COL5A1: variants seen among roughly 807,000 people sequenced by gnomAD.
The protein encoded by COL5A1 is collagen type V alpha 1 chain.
Under a neutral mutation model 263.7 loss-of-function variants are expected in COL5A1, and 16 were observed. The observed-to-expected ratio is 0.06, with a 90% CI of 0.04 to 0.09. COL5A1 has a LOEUF of 0.09. Among genes scored for constraint, COL5A1 ranks in the 10% least tolerant of loss-of-function variants. The probability of loss-of-function intolerance (pLI) is 1.00; values close to 1 mark genes in which losing one functional copy is unlikely to be tolerated. For missense variants in COL5A1, 2,036 were observed against 2,540.5 expected, an observed-to-expected ratio of 0.80 and a Z score of 4.27; for synonymous variants, 1,012 against 1,004.5, an observed-to-expected ratio of 1.01 and a Z score of -0.14.
chr9:134,833,574 G>A (rs531535626), intron 64 of COL5A1, among the ~76,000 whole-genome samples: 9 of 152,086 alleles, frequency 5.9e-5, no homozygotes, highest in African/African-American at 2.2e-4. Context: ...GGGGAGGAGT[G>A]GTCTTTCTTG....
Position 134,731,411 on chromosome 9 carries a change from G to C in COL5A1, c.1165-85G>C, listed in dbSNP as rs530312921. 1.0e-5 allele frequency: 14 copies of C among 1,395,496 alleles called. No individual in the cohort carries two copies. In the South Asian group the frequency reaches 1.1e-4, roughly 11 times the overall value. 86.4% of individuals were successfully genotyped at this position (1,395,496 alleles called of 1,614,324 possible). A position where few individuals can be genotyped will look rare whatever the true frequency, so the allele number is the denominator to read the frequency against. The stretch of plus-strand genomic sequence containing the variant: ...GGATCTCTGCCCAGTTGACCGGATA[G>C]CCACAGTGCCCGCCCAGGGCCTGAT... On this transcript the variant is annotated intron_variant, in intron 7 of 65. Transcript: ENST00000371817.
At chr9:134,785,559 C>T (rs569425321) in intron 30 of COL5A1, among the ~76,000 whole-genome samples, 1 of 152,316 alleles carries the variant, frequency 6.6e-6, no homozygotes, top group East Asian at 1.9e-4. Context: ...GCTCCTGGGC[C>T]AGCCACACAC....
In COL5A1 at chr9:134,780,770, C is replaced by T. The variant is rs566519375; in HGVS notation, c.2430+624C>T. On this transcript the variant is annotated intron_variant, in intron 28 of 65. Coordinates refer to ENST00000371817, the MANE Select transcript of COL5A1 (RefSeq NM_000093.5). ...CGACAGCCTGAGCCACATGGAGCTG[C>T]GTGGCCGGCCACCTTTCTCTTCTCA... Among the ~76,000 whole-genome samples the T allele has an allele frequency of 1.7e-3, 261 of 152,324 alleles. 2 individuals carry two copies. The highest frequency in any genetic ancestry group is 6.1e-3 in the African/African-American group (255 of 41,566).
At chr9:134,750,430 G>A (rs546180528) in intron 11 of COL5A1, 112 bp from the exon 12 acceptor site, 89 of 926,428 alleles carry the variant, frequency 9.6e-5, no homozygotes, top group African/African-American at 5.0e-4. Flanking sequence ...GCTTCTGTGC[G>A]TGTCCAGTGC....
At chr9:134,763,826 G>C (rs575541970) in intron 20 of COL5A1, 89 bp downstream of exon 20, 15 of 1,329,946 alleles carry the variant, frequency 1.1e-5, no homozygotes, top group Non-Finnish European at 1.5e-5. Context: ...TCTGGGATCA[G>C]CCAGGAGCTT....
Position 134,755,320 on chromosome 9 carries a change from A to G in COL5A1, c.1827+994A>G, listed in dbSNP as rs1235868356. On this transcript the variant is annotated intron_variant, in intron 16 of 65. Coordinates refer to ENST00000371817, the MANE Select transcript of COL5A1 (RefSeq NM_000093.5). This position sits in a 1 kb window ranked among gnomAD's most constrained non-coding sequence, Gnocchi z 4.1. ...CCGTAAATCCTTCCCACCCAGTTTC[A>G]CTAGAACTGGTTTCCTAGAGTGAGG... Among the ~76,000 whole-genome samples, 1 of 152,136 alleles carries G rather than the reference A, an allele frequency of 6.6e-6. No individual in the cohort carries two copies. Among genetic ancestry groups the G allele is most frequent in the African/African-American group, 2.4e-5 (1 of 41,414 alleles).
Position 134,768,471 on chromosome 9 carries a change from G to A in COL5A1, c.2286+8G>A. The A allele has an allele frequency of 6.2e-7, 1 of 1,613,830 alleles. No individual in the cohort carries two copies. The highest frequency in any genetic ancestry group is 8.5e-7 in the Non-Finnish European group (1 of 1,179,864). Reference sequence around the variant, plus strand: ...GGTGCTGACGGACCCCCGGTGAGTAGCCCTGCCCACCTCATCCCTCCATAC... The same window carrying A: ...GGTGCTGACGGACCCCCGGTGAGTAACCCTGCCCACCTCATCCCTCCATAC... On this transcript the variant is annotated splice_region_variant and intron_variant, in intron 25 of 65. Coordinates refer to ENST00000371817, the MANE Select transcript of COL5A1 (RefSeq NM_000093.5).
intron 13 of COL5A1, among the ~76,000 whole-genome samples, chr9:134,751,853 T>TG (rs1835792070): frequency 6.6e-6 from 1 of 152,196 alleles, no homozygotes; most frequent in South Asian, 2.1e-4. Context: ...TGATGGAAGG[T>TG]GGTGTGTAGC....
At chr9:134,804,823 A>T in intron 39 of COL5A1, 152 bp from the exon 40 acceptor site, 1 of 703,204 alleles carries the variant, frequency 1.4e-6, no homozygotes, top group Non-Finnish European at 2.5e-6. Flanking sequence ...CCAGGAGAGA[A>T]GGCCCCAACC....
chr9:134,837,665 C>G (rs377231788), intron 65 of COL5A1, among the ~76,000 whole-genome samples: 1 of 151,740 alleles, frequency 6.6e-6, no homozygotes, highest in African/African-American at 2.4e-5. Context: ...AGGGCTCTTG[C>G]TCAGCCCAGT....
rs1215105126 is a variant in COL5A1 at position 134,805,212 on chromosome 9, G to T, written c.3256G>T (p.Ala1086Ser). 6.2e-7 allele frequency: 1 copy of T among 1,613,924 alleles called. No homozygotes were observed. The highest frequency in any genetic ancestry group is 8.5e-7 in the Non-Finnish European group (1 of 1,180,034). Reference protein sequence around the residue: ...NEGPPGPPGPAGSPGERGPAG... With the variant: ...NEGPPGPPGPSGSPGERGPAG... ...AGGGCCCCCTGGCCCACCAGGCCCT[G>T]CGGTGAGTCAAAGCCTTTGTCCCAT... is the stretch of plus-strand genomic sequence containing the variant. Residue 1086 changes from alanine to serine, a missense_variant and splice_region_variant, in exon 41 of 66, where the codon GCG becomes TCG. Ala to Ser is a moderately conservative substitution (Grantham distance 99). Transcript: ENST00000371817.
chr9:134,654,272 G>C (rs560605693), intron 1 of COL5A1, among the ~76,000 whole-genome samples: 70 of 142,172 alleles, frequency 4.9e-4, no homozygotes, highest in Non-Finnish European at 4.1e-4. Flanking sequence ...TAGGTGTGTA[G>C]GGCTGGAGGT....
At chr9:134,759,943 A>AC (rs1222104403) in intron 18 of COL5A1, among the ~76,000 whole-genome samples, 5 of 87,404 alleles carry the variant, frequency 5.7e-5, no homozygotes, top group African/African-American at 2.6e-4. Context: ...ACGCATACAT[A>AC]CCCCCACACC....
intron 49 of COL5A1, among the ~76,000 whole-genome samples, chr9:134,814,362 G>A (rs190354345): frequency 1.6e-4 from 25 of 152,314 alleles, no homozygotes; most frequent in Admixed American, 9.8e-4. Context: ...GGAATATCCA[G>A]GCCTTCTCAG....
At chr9:134,838,090 G>A (rs1379511696) in intron 65 of COL5A1, among the ~76,000 whole-genome samples, 6 of 152,270 alleles carry the variant, frequency 3.9e-5, no homozygotes, top group East Asian at 3.9e-4. Flanking sequence ...TCCGCCCATC[G>A]CCTCCTGGGT....
chr9:134,815,322 C>A (rs1367636219), intron 50 of COL5A1, among the ~76,000 whole-genome samples: 6 of 152,230 alleles, frequency 3.9e-5, no homozygotes, highest in African/African-American at 1.4e-4. Context: ...AACGCCTGCC[C>A]CTTGCTTGGC....
rs75343541 is a variant in COL5A1, at chr9:134,806,856, G to A, written c.3366+560G>A. On this transcript the variant is annotated intron_variant, in intron 42 of 65. Coordinates refer to ENST00000371817, the MANE Select transcript of COL5A1 (RefSeq NM_000093.5). ...AAGGGGCAGGGGATGGGTGGATAAC[G>A]GAAAGACAAGGCGCCTCCCTCTGTG... 5.2e-3 allele frequency among the ~76,000 whole-genome samples: 792 copies of A among 152,266 alleles called. 8 individuals carry two copies. The highest frequency in any genetic ancestry group is 0.018 in the African/African-American group (752 of 41,552).
At position 134,815,558 on chromosome 9, in the gene COL5A1, C is replaced by CTTCT. The variant is rs1838711293; in HGVS notation, c.4015-12_4015-9dup. 2 of 1,612,246 alleles carry CTTCT rather than the reference C, an allele frequency of 1.2e-6. No individual in the cohort carries two copies. The highest frequency in any genetic ancestry group is 2.7e-5 in the African/African-American group (2 of 75,042). On this transcript the variant is annotated splice_polypyrimidine_tract_variant and intron_variant, in intron 50 of 65. Coordinates refer to ENST00000371817, the MANE Select transcript of COL5A1 (RefSeq NM_000093.5). Reference sequence around the variant, plus strand: ...GGTTGCTGATGGCCTTGGCTGCTTCCTTCTTTCTTCCTTTCAGGGCCCAGT... The same window carrying CTTCT: ...GGTTGCTGATGGCCTTGGCTGCTTCCTTCTTTCTTTCTTCCTTTCAGGGCCCAGT...
intron 30 of COL5A1, among the ~76,000 whole-genome samples, chr9:134,785,667 A>G: frequency 6.6e-6 from 1 of 152,198 alleles, no homozygotes; most frequent in East Asian, 1.9e-4. Flanking sequence ...CCCATACAAA[A>G]GGGCTCAGAG....
Sources: gnomAD v4.1 joint callset for allele counts (sites outside exome capture counted in the v4.1 genomes callset) on GRCh38, gnomAD v4.1.1 for gene constraint, Gnocchi (gnomAD v3.1) non-coding constraint, MANE v1.5 for transcripts, NCBI Gene and HGNC (gene_info 2026-07-23, HGNC 2026-07-21) for gene names.